The following SLC30A6 variants were observed in gnomAD, a reference collection of about 807,000 sequenced individuals.
The protein encoded by SLC30A6 is zinc transporter 6.
SLC30A6 carries 55 observed loss-of-function variants against 63.0 expected under a neutral mutation model. The ratio of observed to expected loss-of-function variants is 0.87; its 90% CI spans 0.70 to 1.09. SLC30A6 has a LOEUF of 1.09. Among genes scored for constraint, SLC30A6 ranks in the 50% least tolerant of loss-of-function variants. The pLI, the probability that SLC30A6 is intolerant of heterozygous loss-of-function variation, is 0.00. For missense variants in SLC30A6, 587 were observed against 549.2 expected, an observed-to-expected ratio of 1.07 and a Z score of -0.69; for synonymous variants, 224 against 186.1, an observed-to-expected ratio of 1.20 and a Z score of -1.66.
chr2:32,188,707 G>A (rs962887412), intron 5 of SLC30A6, among the ~76,000 whole-genome samples: 4 of 152,078 alleles, frequency 2.6e-5, no homozygotes, highest in Non-Finnish European at 5.9e-5. Flanking sequence ...AAATTTCATA[G>A]AAGTAGGGAC....
rs62134025 is a variant in SLC30A6 at position 32,220,389 on chromosome 2, A to C, written c.1062A>C (p.Ser354=). The change falls in exon 14 of 14, where the codon TCA becomes TCC. Residue 354 remains serine, a synonymous_variant. Coordinates refer to ENST00000282587, the MANE Select transcript of SLC30A6 (RefSeq NM_017964.5). ...GPVAANVLNF[S]DHHVIPMPLL... ...TTGCAGCCAATGTCCTAAACTTTTC[A>C]GATCATCACGTAATCCCAATGCCTC... is the stretch of plus-strand genomic sequence containing the variant. 1 of 1,614,230 alleles carries C rather than the reference A, an allele frequency of 6.2e-7. No homozygotes were observed. Among genetic ancestry groups the C allele is most frequent in the Non-Finnish European group, 8.5e-7 (1 of 1,180,034 alleles).
chr2:32,200,547 A>T (rs1684196878), intron 10 of SLC30A6, among the ~76,000 whole-genome samples: 1 of 151,142 alleles, frequency 6.6e-6, no homozygotes, highest in South Asian at 2.1e-4. Flanking sequence ...TTGATCTATG[A>T]CCTTACCCCC....
At chr2:32,197,297 G>T (rs1558403775) in intron 8 of SLC30A6, 47 bp from the exon 9 acceptor site, 12 of 1,479,702 alleles carry the variant, frequency 8.1e-6, no homozygotes, top group Admixed American at 6.7e-5. Context: ...TCAGGTAGTG[G>T]TTTTTTTTTC....
chr2:32,166,365 C>A (rs1285126032), intron 1 of SLC30A6, among the ~76,000 whole-genome samples: 1 of 151,608 alleles, frequency 6.6e-6, no homozygotes, highest in Non-Finnish European at 1.5e-5. Context: ...TGCAACTTGG[C>A]TTTACTAAAT....
intron 1 of SLC30A6, 114 bp from the exon 2 acceptor site, chr2:32,171,173 T>A: frequency 1.4e-6 from 1 of 740,452 alleles, no homozygotes; most frequent in South Asian, 1.7e-5. Context: ...TGATGTATAT[T>A]GAGTACTTAA....
At chr2:32,185,943 C>G (rs1682771140) in intron 5 of SLC30A6, among the ~76,000 whole-genome samples, 1 of 150,296 alleles carries the variant, frequency 6.7e-6, no homozygotes, top group African/African-American at 2.5e-5. Context: ...GTTGGCCAGG[C>G]TGGTCTTGAA....
intron 5 of SLC30A6, among the ~76,000 whole-genome samples, chr2:32,189,462 TA>T (rs1683131905): frequency 6.6e-6 from 1 of 151,458 alleles, no homozygotes; most frequent in Non-Finnish European, 1.5e-5. Context: ...TAATTTTTTT[TA>T]TTTTTTTATT....
intron 2 of SLC30A6, among the ~76,000 whole-genome samples, chr2:32,172,774 T>G (rs184903369): frequency 2.6e-5 from 4 of 152,336 alleles, no homozygotes; most frequent in Non-Finnish European, 4.4e-5. Flanking sequence ...TCATTCAATT[T>G]TCCAATTTCC....
chr2:32,215,273 C>G (rs1270204031), intron 13 of SLC30A6, among the ~76,000 whole-genome samples: 1 of 152,052 alleles, frequency 6.6e-6, no homozygotes, highest in Non-Finnish European at 1.5e-5. Context: ...TGGCTCACTG[C>G]AACATCTGCC....
At chr2:32,201,221 A>G (rs1196324921) in intron 10 of SLC30A6, among the ~76,000 whole-genome samples, 2 of 152,130 alleles carry the variant, frequency 1.3e-5, no homozygotes, top group Non-Finnish European at 2.9e-5. Flanking sequence ...TCACATTTCT[A>G]TTTCTAGCAT....
At chr2:32,188,486 G>C (rs1315814393) in intron 5 of SLC30A6, among the ~76,000 whole-genome samples, 1 of 152,106 alleles carries the variant, frequency 6.6e-6, no homozygotes, top group Non-Finnish European at 1.5e-5. Context: ...CTGAGGTCAG[G>C]AGTTTGAGAC....
In SLC30A6 at chr2:32,192,367, G is replaced by A. The variant is rs762157564; in HGVS notation, c.316G>A (p.Ala106Thr). Residue 106 changes from alanine (A) to threonine (T), a missense_variant, in exon 6 of 14, where the codon GCC becomes ACC. Ala to Thr is a moderately conservative substitution (Grantham distance 58, BLOSUM62 0). Coordinates refer to ENST00000282587, the MANE Select transcript of SLC30A6 (RefSeq NM_017964.5). The stretch of plus-strand genomic sequence containing the variant: ...AAGATTAGAAGTCCTGGCTGTATTT[G>A]CCTCCACAGTCTTGGCACAGTTGGG... The part of the protein sequence containing the change: ...FERLEVLAVF[A>T]STVLAQLGAL... 5.6e-6 allele frequency: 9 copies of A among 1,613,860 alleles called. No individual in the cohort carries two copies. Among genetic ancestry groups the A allele is most frequent in the Admixed American group, 1.7e-5 (1 of 59,980 alleles).
chr2:32,200,077 T>TACACACAC (rs35617136), intron 10 of SLC30A6, among the ~76,000 whole-genome samples: 7 of 149,204 alleles, frequency 4.7e-5, no homozygotes, highest in African/African-American at 1.0e-4. Flanking sequence ...GAGACATATA[T>TACACACAC]ACACACACAC....
Position 32,204,583 on chromosome 2 carries a change from C to T in SLC30A6, c.666-7C>T. On this transcript the variant is annotated splice_polypyrimidine_tract_variant and splice_region_variant and intron_variant, in intron 10 of 13. Transcript: ENST00000282587. ...ATTTAAAATTTAGAATTGTTTTTTC[C>T]TTTTAGTAATTATTTTGCCGTAGAC... 1.9e-6 allele frequency: 3 copies of T among 1,597,086 alleles called. No homozygotes were observed. The highest frequency in any genetic ancestry group is 2.6e-6 in the Non-Finnish European group (3 of 1,167,360).
At position 32,218,745 on chromosome 2, in the gene SLC30A6, C is replaced by T. The variant is rs549363039; in HGVS notation, c.886-1468C>T. 3.3e-5 allele frequency among the ~76,000 whole-genome samples: 5 copies of T among 152,064 alleles called. No homozygotes were observed. In the East Asian group the frequency reaches 5.8e-4, roughly 18 times the overall value. On this transcript the variant is annotated intron_variant, in intron 13 of 13. Coordinates refer to ENST00000282587, the MANE Select transcript of SLC30A6 (RefSeq NM_017964.5). The stretch of plus-strand genomic sequence containing the variant: ...CTAATTTTTGTATTTTTAGTAGAGA[C>T]GTGATTTCGCCATGTTGGCCAGGCT...
chr2:32,213,816 TG>T (rs753416584), intron 13 of SLC30A6, among the ~76,000 whole-genome samples: 6,916 of 128,894 alleles, frequency 0.054, 869 homozygotes, highest in Middle Eastern at 0.08. Context: ...TTTTTGTTTT[TG>T]TTTTGAGACG....
intron 9 of SLC30A6, 54 bp from the exon 10 acceptor site, chr2:32,197,650 TCAC>T: frequency 6.2e-7 from 1 of 1,607,974 alleles, no homozygotes; most frequent in Admixed American, 1.7e-5. Flanking sequence ...TACAAGGTTG[TCAC>T]CAGTTTTATG....
chr2:32,185,813 G>A (rs1573300104), intron 5 of SLC30A6, among the ~76,000 whole-genome samples: 1 of 151,504 alleles, frequency 6.6e-6, no homozygotes, highest in Non-Finnish European at 1.5e-5. Context: ...TCTGCCTTCC[G>A]GGTTCCAGCG....
At chr2:32,175,391 G>C in intron 4 of SLC30A6, 30 bp downstream of exon 4, 1 of 1,595,494 alleles carries the variant, frequency 6.3e-7, no homozygotes, top group Non-Finnish European at 8.6e-7. Flanking sequence ...TAATGTTTTG[G>C]AGCTAATAAG....
Sources: gnomAD v4.1 joint callset for allele counts (sites outside exome capture counted in the v4.1 genomes callset) on GRCh38, gnomAD v4.1.1 for gene constraint, MANE v1.5 for transcripts, NCBI Gene and HGNC (gene_info 2026-07-23, HGNC 2026-07-21) for gene names.